MYO3B: variants seen among roughly 807,000 people sequenced by gnomAD.
The protein encoded by MYO3B is myosin-IIIb.
Under a neutral mutation model 174.6 loss-of-function variants are expected in MYO3B, and 156 were observed. The observed-to-expected ratio is 0.89, with a 90% CI of 0.78 to 1.02. The LOEUF (loss-of-function observed/expected upper bound fraction) is 1.02, where lower values mean the gene tolerates loss of function less well. Ranked by LOEUF, MYO3B falls within the 50% of genes least tolerant of loss-of-function variation. The probability of loss-of-function intolerance (pLI) is 0.00; values close to 1 mark genes in which losing one functional copy is unlikely to be tolerated. For missense variants in MYO3B, 1,632 were observed against 1,639.4 expected (o/e 1.00, Z 0.08); for synonymous variants, 563 against 569.1 (o/e 0.99, Z 0.15).
At chr2:170,636,961 T>C (rs1394326146) in intron 32 of MYO3B, among the ~76,000 whole-genome samples, 2 of 147,948 alleles carry the variant, frequency 1.4e-5, no homozygotes, top group African/African-American at 2.5e-5. Context: ...TTTGTGCGTG[T>C]GTGTGTGTGT....
chr2:170,521,422 C>CTTGGG (rs1688661180), intron 30 of MYO3B, among the ~76,000 whole-genome samples: 1 of 152,202 alleles, frequency 6.6e-6, no homozygotes, highest in Non-Finnish European at 1.5e-5. Flanking sequence ...AGTCAGTGAA[C>CTTGGG]CAGTTTGGAA....
rs575484613 is a variant in MYO3B at position 170,443,304 on chromosome 2, T to C, written c.2651-663T>C. On this transcript the variant is annotated intron_variant, in intron 22 of 34. Coordinates refer to ENST00000408978, the MANE Select transcript of MYO3B (RefSeq NM_138995.5). Reference sequence around the variant, plus strand: ...TGCATAAATGTCTTCTTTTGAGAAGTGTCTGTTCATATCCTTTGCCCACTT... The same window carrying C: ...TGCATAAATGTCTTCTTTTGAGAAGCGTCTGTTCATATCCTTTGCCCACTT... 1.8e-4 allele frequency among the ~76,000 whole-genome samples: 27 copies of C among 152,340 alleles called. 1 individual carries two copies. The highest frequency in any genetic ancestry group is 6.0e-4 in the African/African-American group (25 of 41,586).
chr2:170,501,914 C>T (rs769970159), intron 28 of MYO3B, 49 bp downstream of exon 28: 19 of 1,269,704 alleles, frequency 1.5e-5, no homozygotes, highest in Non-Finnish European at 2.2e-5. Flanking sequence ...TATTCTGTGA[C>T]TAACTTCTGT....
intron 8 of MYO3B, among the ~76,000 whole-genome samples, chr2:170,336,596 C>G (rs777948104): frequency 6.6e-6 from 1 of 152,038 alleles, no homozygotes; most frequent in Non-Finnish European, 1.5e-5. Context: ...AACTGTGAGG[C>G]TATTTATAGT....
intron 7 of MYO3B, among the ~76,000 whole-genome samples, chr2:170,313,315 T>G (rs1574767587): frequency 6.6e-6 from 1 of 152,186 alleles, no homozygotes; most frequent in Admixed American, 6.5e-5. Context: ...GTAGATAACA[T>G]GTATGGCCAA....
At chr2:170,600,493 C>T (rs1220724689) in intron 32 of MYO3B, among the ~76,000 whole-genome samples, 1 of 152,074 alleles carries the variant, frequency 6.6e-6, no homozygotes, top group Non-Finnish European at 1.5e-5. Flanking sequence ...CTCTGATCTA[C>T]TTGGATTTAT....
intron 32 of MYO3B, among the ~76,000 whole-genome samples, chr2:170,650,925 AC>A (rs1326423939): frequency 8.1e-6 from 1 of 123,142 alleles, no homozygotes; most frequent in Non-Finnish European, 1.8e-5. Flanking sequence ...CTCATGATCC[AC>A]CCGCCTCAGC....
intron 7 of MYO3B, among the ~76,000 whole-genome samples, chr2:170,251,113 CCT>C (rs1039739983): frequency 2.0e-5 from 3 of 152,062 alleles, no homozygotes; most frequent in Non-Finnish European, 2.9e-5. Context: ...CCAGTATTTC[CCT>C]GTCTCCTGTC....
intron 6 of MYO3B, among the ~76,000 whole-genome samples, chr2:170,230,993 C>T (rs1480658474): frequency 6.6e-6 from 1 of 152,186 alleles, no homozygotes; most frequent in African/African-American, 2.4e-5. Context: ...AAAGTCTCTT[C>T]GTGACCCAAG....
chr2:170,319,628 G>C (rs73016921), intron 7 of MYO3B, among the ~76,000 whole-genome samples: 4 of 152,010 alleles, frequency 2.6e-5, no homozygotes, highest in Non-Finnish European at 5.9e-5. Context: ...AAAATAAGAG[G>C]TCCAAACATT....
intron 32 of MYO3B, among the ~76,000 whole-genome samples, chr2:170,630,462 C>G (rs1696857987): frequency 6.6e-6 from 1 of 152,192 alleles, no homozygotes; most frequent in African/African-American, 2.4e-5. Flanking sequence ...GACTCCACCT[C>G]TGGAGGCAGG....
At chr2:170,366,582 C>G (rs904589842) in intron 8 of MYO3B, among the ~76,000 whole-genome samples, 2 of 152,166 alleles carry the variant, frequency 1.3e-5, no homozygotes, top group African/African-American at 4.8e-5. Context: ...CATGAGCCAC[C>G]ACGCCTGGCC....
chr2:170,214,067 A>C (rs1265260390), intron 3 of MYO3B, among the ~76,000 whole-genome samples: 1 of 152,180 alleles, frequency 6.6e-6, no homozygotes, highest in Non-Finnish European at 1.5e-5. Flanking sequence ...TCTTTCCAAA[A>C]ATATTCTTTG....
chr2:170,300,016 T>A (rs561188130), intron 7 of MYO3B, among the ~76,000 whole-genome samples: 8 of 152,228 alleles, frequency 5.3e-5, no homozygotes, highest in Non-Finnish European at 1.0e-4. Flanking sequence ...CACTATTGTT[T>A]TGAGCTTGCA....
At chr2:170,626,712 A>T (rs1408472843) in intron 32 of MYO3B, among the ~76,000 whole-genome samples, 1 of 152,104 alleles carries the variant, frequency 6.6e-6, no homozygotes, top group African/African-American at 2.4e-5. Flanking sequence ...TGTTTAGTGC[A>T]TCCTTCAGGA....
intron 9 of MYO3B, among the ~76,000 whole-genome samples, chr2:170,379,449 G>A (rs532635635): frequency 2.0e-5 from 3 of 152,090 alleles, no homozygotes; most frequent in Non-Finnish European, 2.9e-5. Context: ...CGCCTTGGCC[G>A]CCCAAAGTGC....
intron 32 of MYO3B, among the ~76,000 whole-genome samples, chr2:170,555,694 A>G (rs553326981): frequency 6.6e-6 from 1 of 152,046 alleles, no homozygotes; most frequent in East Asian, 1.9e-4. Flanking sequence ...CAACACAGCA[A>G]CACCCTGTCT....
intron 32 of MYO3B, among the ~76,000 whole-genome samples, chr2:170,566,299 T>G (rs1324120658): frequency 2.0e-5 from 3 of 152,210 alleles, no homozygotes; most frequent in African/African-American, 7.2e-5. Context: ...AATGATTATT[T>G]CGGGTTGAAA....
At chr2:170,327,139 C>A (rs760930909) in intron 7 of MYO3B, among the ~76,000 whole-genome samples, 164 of 152,332 alleles carry the variant, frequency 1.1e-3, no homozygotes, top group Non-Finnish European at 1.8e-3. Context: ...GTAATCCCAG[C>A]ACTTTGGGAG....
Sources: gnomAD v4.1 joint callset for allele counts (sites outside exome capture counted in the v4.1 genomes callset) on GRCh38, gnomAD v4.1.1 for gene constraint, MANE v1.5 for transcripts, NCBI Gene and HGNC (gene_info 2026-07-23, HGNC 2026-07-21) for gene names.